The following SORCS3 variants were observed in gnomAD, a reference collection of about 807,000 sequenced individuals.
The protein encoded by SORCS3 is sortilin related VPS10 domain containing receptor 3, also known as VPS10 domain-containing receptor SorCS3.
A neutral mutation model predicts 146.3 loss-of-function variants in SORCS3; 57 were observed. That is an observed-to-expected ratio of 0.39 (90% CI 0.31 to 0.49). The LOEUF is 0.49. Among genes scored for constraint, SORCS3 ranks in the 20% least tolerant of loss-of-function variants. The pLI is 0.92. For missense variants in SORCS3, 1,341 were observed against 1,575.5 expected (o/e 0.85, Z 2.52); for synonymous variants, 653 against 618.5 (o/e 1.06, Z -0.83).
intron 3 of SORCS3, among the ~76,000 whole-genome samples, chr10:104,933,601 G>A (rs1315885681): frequency 6.6e-6 from 1 of 152,084 alleles, no homozygotes; most frequent in African/African-American, 2.4e-5. Context: ...GTGCATTGAT[G>A]GAAGTTATAT....
chr10:105,090,836 T>C (rs1439184262), intron 6 of SORCS3, among the ~76,000 whole-genome samples: 1 of 152,174 alleles, frequency 6.6e-6, no homozygotes, highest in Non-Finnish European at 1.5e-5. Context: ...AAATGTTGTA[T>C]AAATGGAAGG....
intron 1 of SORCS3, among the ~76,000 whole-genome samples, chr10:104,699,158 G>T (rs938190673): frequency 2.0e-5 from 3 of 152,124 alleles, no homozygotes; most frequent in Admixed American, 2.0e-4. Flanking sequence ...GGTATAAAAG[G>T]ATAAAAGCCT....
At chr10:104,926,669 C>T (rs747731074) in intron 3 of SORCS3, among the ~76,000 whole-genome samples, 5 of 152,178 alleles carry the variant, frequency 3.3e-5, no homozygotes, top group East Asian at 1.9e-4. Context: ...GGAATGGCTG[C>T]GAATGTGCTT....
intron 4 of SORCS3, among the ~76,000 whole-genome samples, chr10:105,006,869 C>A (rs1345899894): frequency 2.0e-5 from 3 of 152,168 alleles, no homozygotes; most frequent in Non-Finnish European, 2.9e-5. Flanking sequence ...CTTTATTTTT[C>A]TTCATAATAG....
intron 20 of SORCS3, among the ~76,000 whole-genome samples, chr10:105,229,028 C>T (rs764735247): frequency 4.5e-4 from 68 of 152,094 alleles, no homozygotes; most frequent in Non-Finnish European, 8.4e-4. Context: ...AGCACATAAG[C>T]TTTGCTCATT....
At chr10:104,852,099 T>C (rs144167228) in intron 2 of SORCS3, among the ~76,000 whole-genome samples, 2 of 152,362 alleles carry the variant, frequency 1.3e-5, no homozygotes, top group Middle Eastern at 3.4e-3. Flanking sequence ...GATTCCCCCC[T>C]TCACTGCTAT....
chr10:104,875,643 A>G (rs4918134), intron 2 of SORCS3, among the ~76,000 whole-genome samples: 13,353 of 152,234 alleles, frequency 0.088, 780 homozygotes, highest in South Asian at 0.27. Flanking sequence ...TTTTGAGTCT[A>G]TAAGTTGTGA....
At chr10:104,805,585 T>C (rs571603548) in intron 1 of SORCS3, among the ~76,000 whole-genome samples, 5 of 152,238 alleles carry the variant, frequency 3.3e-5, no homozygotes, top group South Asian at 4.2e-4. Flanking sequence ...AAATGTCAGT[T>C]TCCAAGTGGT....
chr10:104,871,284 A>G (rs954546529), intron 2 of SORCS3, among the ~76,000 whole-genome samples: 2 of 152,200 alleles, frequency 1.3e-5, no homozygotes, highest in Non-Finnish European at 2.9e-5. Context: ...ACCTTGAAGG[A>G]TGAGTAGGAT....
intron 1 of SORCS3, among the ~76,000 whole-genome samples, chr10:104,783,755 A>T (rs976908459): frequency 6.6e-6 from 1 of 152,116 alleles, no homozygotes; most frequent in Non-Finnish European, 1.5e-5. Context: ...GAAAAAAAGG[A>T]TCTAGGATGA....
chr10:104,899,746 G>A (rs1564708996), intron 2 of SORCS3, among the ~76,000 whole-genome samples: 1 of 152,160 alleles, frequency 6.6e-6, no homozygotes, highest in Non-Finnish European at 1.5e-5. Context: ...CAGATATCTT[G>A]AACATCTTGC....
intron 2 of SORCS3, among the ~76,000 whole-genome samples, chr10:104,848,285 C>G (rs1396457508): frequency 6.6e-6 from 1 of 151,938 alleles, no homozygotes; most frequent in African/African-American, 2.4e-5. Context: ...CACTTATTTC[C>G]TCCTTAATTG....
intron 4 of SORCS3, among the ~76,000 whole-genome samples, chr10:104,978,420 T>C (rs1381086173): frequency 6.6e-6 from 1 of 152,210 alleles, no homozygotes; most frequent in Non-Finnish European, 1.5e-5. Flanking sequence ...TACATAGCAT[T>C]GTCTGTCTCT....
chr10:105,129,331 CTTTTTTTTTT>C (rs71022753), intron 7 of SORCS3, among the ~76,000 whole-genome samples: 2 of 104,634 alleles, frequency 1.9e-5, no homozygotes, highest in Non-Finnish European at 1.8e-5. Flanking sequence ...CTTTCTTTCT[CTTTTTTTTTT>C]TTTTTTTTTT....
intron 1 of SORCS3, among the ~76,000 whole-genome samples, chr10:104,722,802 T>A (rs1467390915): frequency 2.0e-5 from 3 of 152,240 alleles, no homozygotes; most frequent in Admixed American, 6.5e-5. Flanking sequence ...GTAGTTTGTA[T>A]TTCTGTGGGA....
intron 1 of SORCS3, among the ~76,000 whole-genome samples, chr10:104,685,041 C>T (rs1332407836): frequency 6.6e-6 from 1 of 151,916 alleles, no homozygotes; most frequent in African/African-American, 2.4e-5. Flanking sequence ...TGGTCTCGAG[C>T]TCCTGGCCTC....
intron 19 of SORCS3, among the ~76,000 whole-genome samples, chr10:105,222,819 G>A (rs1054628037): frequency 3.3e-5 from 5 of 152,190 alleles, no homozygotes; most frequent in African/African-American, 9.7e-5. Flanking sequence ...TTGGCTAAGT[G>A]TCTAGTAAAT....
rs867210841 is a variant in SORCS3 at position 104,887,969 on chromosome 10, G to T, written c.696-27864G>T. ...GCAACATGGTGGGGGCGGGGGGGCG[G>T]GGGCGGAGCAAGCCCATGAAGACAG... On this transcript the variant is annotated intron_variant, in intron 2 of 26. Transcript: ENST00000369701. Among the ~76,000 whole-genome samples the T allele has an allele frequency of 5.4e-4, 40 of 73,748 alleles. 7 individuals are homozygous for T. Among genetic ancestry groups the T allele is most frequent in the African/African-American group, 3.3e-3 (39 of 11,736 alleles). 48.4% of individuals were successfully genotyped at this position (73,748 alleles called of 152,430 possible).
At chr10:104,944,667 A>G (rs1409634211) in intron 3 of SORCS3, among the ~76,000 whole-genome samples, 1 of 152,250 alleles carries the variant, frequency 6.6e-6, no homozygotes, top group Non-Finnish European at 1.5e-5. Context: ...ATCTTTTTAT[A>G]ACCAACATAT....
Sources: allele counts gnomAD v4.1 joint callset (sites outside exome capture counted in the v4.1 genomes callset), GRCh38; gene constraint gnomAD v4.1.1; transcripts MANE v1.5; gene names NCBI Gene and HGNC (gene_info 2026-07-23, HGNC 2026-07-21).